The following CYP20A1 variants were observed in gnomAD, a reference collection of about 807,000 sequenced individuals.
CYP20A1 encodes cytochrome P450 20A1.
A neutral mutation model predicts 61.4 loss-of-function variants in CYP20A1; 61 were observed. That is an observed-to-expected ratio of 0.99 (90% CI 0.81 to 1.23). The LOEUF is 1.23. CYP20A1 is among the 50% of genes most tolerant of loss of function. The probability of loss-of-function intolerance (pLI) is 0.00; values close to 1 mark genes in which losing one functional copy is unlikely to be tolerated. For synonymous variants in CYP20A1, 193 were observed against 188.2 expected, an observed-to-expected ratio of 1.03 and a Z score of -0.21; for missense variants, 530 against 542.4, an observed-to-expected ratio of 0.98 and a Z score of 0.23.
intron 1 of CYP20A1, among the ~76,000 whole-genome samples, chr2:203,239,356 C>A (rs972204734): frequency 1.3e-5 from 2 of 152,054 alleles, no homozygotes; most frequent in Non-Finnish European, 2.9e-5. Context: ...CCCTCAGGCG[C>A]CGGGCCAGGC....
rs1434249406 is a variant in CYP20A1, at chr2:203,302,528, T to C, written c.*5620T>C. Among the ~76,000 whole-genome samples, 2 of 152,176 alleles carry C rather than the reference T, an allele frequency of 1.3e-5. No individual in the cohort carries two copies. Among genetic ancestry groups the C allele is most frequent in the Non-Finnish European group, 2.9e-5 (2 of 68,024 alleles). The stretch of plus-strand genomic sequence containing the variant: ...CCTCATGGTTGACAGAGCAAGACCC[T>C]GTCTCAAAAGATTCTAATATAGATA... On this transcript the variant is annotated 3_prime_UTR_variant, in exon 13 of 13. Coordinates refer to ENST00000356079, the MANE Select transcript of CYP20A1 (RefSeq NM_177538.3).
At chr2:203,252,524 A>G (rs1461056597) in intron 4 of CYP20A1, among the ~76,000 whole-genome samples, 1 of 151,874 alleles carries the variant, frequency 6.6e-6, no homozygotes, top group African/African-American at 2.4e-5. Flanking sequence ...CCTCCCTAGT[A>G]GCTGGGATTA....
intron 1 of CYP20A1, among the ~76,000 whole-genome samples, chr2:203,244,486 A>T (rs1455174471): frequency 6.6e-6 from 1 of 152,036 alleles, no homozygotes; most frequent in South Asian, 2.1e-4. Context: ...GGCAGGAGCC[A>T]CTGCGCCCGG....
intron 4 of CYP20A1, among the ~76,000 whole-genome samples, chr2:203,264,340 A>G (rs1186445670): frequency 6.6e-6 from 1 of 151,912 alleles, no homozygotes; most frequent in Non-Finnish European, 1.5e-5. Context: ...ATGTTTTCCA[A>G]CTTAGTCTTA....
chr2:203,291,675 G>A (rs545199782), intron 10 of CYP20A1, among the ~76,000 whole-genome samples: 2 of 151,370 alleles, frequency 1.3e-5, no homozygotes, highest in Non-Finnish European at 2.9e-5. Context: ...TTTTTTAACT[G>A]GATGCAGATT....
intron 5 of CYP20A1, among the ~76,000 whole-genome samples, chr2:203,269,651 C>T (rs1054202017): frequency 6.6e-6 from 1 of 151,966 alleles, no homozygotes; most frequent in Admixed American, 6.6e-5. Context: ...CCCACCACCA[C>T]GCCTGGCTAA....
At chr2:203,255,626 G>A (rs1214896979) in intron 4 of CYP20A1, among the ~76,000 whole-genome samples, 1 of 152,196 alleles carries the variant, frequency 6.6e-6, no homozygotes, top group African/African-American at 2.4e-5. Flanking sequence ...GTGGACTCTA[G>A]TTTGAAAACC....
Position 203,296,768 on chromosome 2 carries a change from A to G in CYP20A1, c.1249A>G (p.Met417Val). The G allele has an allele frequency of 6.3e-7, 1 of 1,590,010 alleles. No individual in the cohort carries two copies. Among genetic ancestry groups the G allele is most frequent in the South Asian group, 1.2e-5 (1 of 85,662 alleles). ...TTTCTTCCTGACTAGGTTTGCATAT[A>G]TGGTGACCACAGTACTTCTTAGTGT... ...QECPELRFAY[M>V]VTTVLLSVLV... The change falls in exon 13 of 13, where the codon ATG (methionine) becomes GTG (valine). Residue 417 changes from methionine (M) to valine (V), a missense_variant. Met to Val is a conservative substitution (Grantham distance 21, BLOSUM62 1). Coordinates refer to ENST00000356079, the MANE Select transcript of CYP20A1 (RefSeq NM_177538.3).
chr2:203,277,928 G>A (rs1434075362), intron 6 of CYP20A1, among the ~76,000 whole-genome samples: 1 of 152,186 alleles, frequency 6.6e-6, no homozygotes, highest in African/African-American at 2.4e-5. Flanking sequence ...GAATTTAGAA[G>A]GAAGGTGGAT....
intron 9 of CYP20A1, among the ~76,000 whole-genome samples, chr2:203,287,706 A>AAGAT: frequency 6.6e-6 from 1 of 151,658 alleles, no homozygotes; most frequent in East Asian, 1.9e-4. Flanking sequence ...CTATCTCTTA[A>AAGAT]AAATAAGTAA....
chr2:203,278,426 G>A, intron 6 of CYP20A1, 147 bp from the exon 7 acceptor site: 1 of 449,194 alleles, frequency 2.2e-6, no homozygotes, highest in Non-Finnish European at 4.0e-6. Flanking sequence ...AGAAAATGAT[G>A]AGTTTAAACA....
At chr2:203,265,849 C>T (rs904078992) in intron 4 of CYP20A1, among the ~76,000 whole-genome samples, 2 of 152,102 alleles carry the variant, frequency 1.3e-5, no homozygotes, top group African/African-American at 4.8e-5. Context: ...CACCACCACA[C>T]CTGACTAATT....
Position 203,266,603 on chromosome 2 carries a change from G to C in CYP20A1, c.522G>C (p.Lys174Asn). The C allele has an allele frequency of 6.2e-7, 1 of 1,614,026 alleles. No homozygotes were observed. Among genetic ancestry groups the C allele is most frequent in the Non-Finnish European group, 8.5e-7 (1 of 1,179,924 alleles). The change falls in exon 5 of 13, where the codon AAG becomes AAC. Residue 174 changes from lysine to asparagine, a missense_variant. Coordinates refer to ENST00000356079, the MANE Select transcript of CYP20A1 (RefSeq NM_177538.3). ...LSQHMLGFAM[K>N]SVTQMVMGST... Reference sequence around the variant, plus strand: ...AGCATATGCTTGGTTTTGCTATGAAGTCTGTTACACAGATGGTAATGGGTA... The same window carrying C: ...AGCATATGCTTGGTTTTGCTATGAACTCTGTTACACAGATGGTAATGGGTA...
intron 7 of CYP20A1, 139 bp downstream of exon 7, chr2:203,278,827 C>G: frequency 1.8e-6 from 1 of 540,888 alleles, no homozygotes; most frequent in Non-Finnish European, 3.3e-6. Flanking sequence ...CCAACTTGGG[C>G]AATATAGCAA....
chr2:203,247,340 T>C (rs1446769472), intron 3 of CYP20A1, among the ~76,000 whole-genome samples: 12 of 152,200 alleles, frequency 7.9e-5, no homozygotes. Flanking sequence ...CCAACATTTA[T>C]TGAATGCTTT....
At chr2:203,246,377 GA>G (rs1191481791) in intron 2 of CYP20A1, among the ~76,000 whole-genome samples, 2 of 152,164 alleles carry the variant, frequency 1.3e-5, no homozygotes, top group African/African-American at 4.8e-5. Flanking sequence ...AGAGGATTAA[GA>G]TAGAAGGAAA....
At chr2:203,275,326 T>A (rs146774070) in intron 6 of CYP20A1, among the ~76,000 whole-genome samples, 1 of 152,356 alleles carries the variant, frequency 6.6e-6, no homozygotes, top group African/African-American at 2.4e-5. Flanking sequence ...ACATGACGTG[T>A]GACTTGTGCT....
chr2:203,263,605 G>A (rs2067223117), intron 4 of CYP20A1, among the ~76,000 whole-genome samples: 1 of 152,106 alleles, frequency 6.6e-6, no homozygotes, highest in Admixed American at 6.6e-5. Flanking sequence ...AAGTTTTGAT[G>A]TGCTATATTT....
At chr2:203,255,559 C>T (rs2066862170) in intron 4 of CYP20A1, among the ~76,000 whole-genome samples, 1 of 152,118 alleles carries the variant, frequency 6.6e-6, no homozygotes, top group Non-Finnish European at 1.5e-5. Flanking sequence ...ATTGTTTTTT[C>T]CCCTGATCCA....
Sources: allele counts gnomAD v4.1 joint callset (sites outside exome capture counted in the v4.1 genomes callset), GRCh38; gene constraint gnomAD v4.1.1; transcripts MANE v1.5; gene names NCBI Gene and HGNC (gene_info 2026-07-23, HGNC 2026-07-21).